The following BCL2L13 variants were observed in gnomAD, a reference collection of about 807,000 sequenced individuals.
BCL2L13 encodes BCL2 like 13, also known as bcl-2-like protein 13.
In BCL2L13, 13 loss-of-function variants were observed where a neutral mutation model predicts 25.8. The ratio of observed to expected loss-of-function variants is 0.50; its 90% CI spans 0.33 to 0.80. The LOEUF is 0.80. Ranked by LOEUF, BCL2L13 falls within the 30% of genes least tolerant of loss-of-function variation. The pLI, the probability that BCL2L13 is intolerant of heterozygous loss-of-function variation, is 0.02. For missense variants in BCL2L13, 504 were observed against 574.9 expected (o/e 0.88, Z 1.26); for synonymous variants, 244 against 230.3 (o/e 1.06, Z -0.54).
intron 2 of BCL2L13, among the ~76,000 whole-genome samples, chr22:17,662,666 T>G (rs1352055044): frequency 6.6e-6 from 1 of 151,096 alleles, no homozygotes; most frequent in Non-Finnish European, 1.5e-5. Context: ...AAAATAAAAA[T>G]AAATTAGCTG....
At chr22:17,686,143 AAC>A (rs1443860106) in intron 3 of BCL2L13, among the ~76,000 whole-genome samples, 3 of 152,038 alleles carry the variant, frequency 2.0e-5, no homozygotes, top group Admixed American at 6.5e-5. Context: ...GTAGAGAAAA[AAC>A]ACAGATAGAA....
chr22:17,700,635 G>GT (rs2060406066), intron 5 of BCL2L13, among the ~76,000 whole-genome samples: 2 of 152,126 alleles, frequency 1.3e-5, no homozygotes, highest in African/African-American at 4.8e-5. Flanking sequence ...AATATAAACA[G>GT]TTTTTTGTTT....
chr22:17,712,583 GAT>G (rs1328126026), intron 6 of BCL2L13, among the ~76,000 whole-genome samples: 1 of 152,192 alleles, frequency 6.6e-6, no homozygotes, highest in Non-Finnish European at 1.5e-5. Flanking sequence ...TTAATAAACA[GAT>G]AAGCCTTTGG....
chr22:17,689,164 G>A lies in BCL2L13; in HGVS notation c.386+22G>A, dbSNP rs749712450. 6 of 1,610,942 alleles carry A rather than the reference G, an allele frequency of 3.7e-6. No homozygotes were observed. In the South Asian group the frequency reaches 6.6e-5, roughly 18 times the overall value. On this transcript the variant is annotated intron_variant, in intron 4 of 6. Coordinates refer to ENST00000317582, the MANE Select transcript of BCL2L13 (RefSeq NM_015367.4). ...GCCAGTGAGTTACACTGCTGAGTGG[G>A]ATGTGCTTCTTTAAGTAGTCTCTGG...
At chr22:17,687,504 C>CTATTAT (rs202137570) in intron 3 of BCL2L13, among the ~76,000 whole-genome samples, 1 of 151,502 alleles carries the variant, frequency 6.6e-6, no homozygotes, top group Admixed American at 6.6e-5. Flanking sequence ...CAGCACCCAG[C>CTATTAT]TATTATTATT....
chr22:17,689,195 T>C lies in BCL2L13; in HGVS notation c.386+53T>C, dbSNP rs551456131. On this transcript the variant is annotated intron_variant, in intron 4 of 6. Transcript: ENST00000317582. The stretch of plus-strand genomic sequence containing the variant: ...CTTCTTTAAGTAGTCTCTGGATCTC[T>C]CATGCAGCACTGGATTGGTTAGGGC... The C allele has an allele frequency of 5.1e-6, 8 of 1,579,228 alleles. No homozygotes were observed. The African/African-American group carries it at 8.1e-5, about 16-fold the overall frequency.
rs1310267646 is a variant in BCL2L13, at chr22:17,656,969, C to T, written c.121+1137C>T. ...AAGGAGCTGGGACTATAGGCGCACG[C>T]TGCCACGCCCGGCTAGTTTTTTGTA... On this transcript the variant is annotated intron_variant, in intron 2 of 6. Transcript: ENST00000317582. Among the ~76,000 whole-genome samples, 3 of 152,248 alleles carry T rather than the reference C, an allele frequency of 2.0e-5. No individual in the cohort carries two copies. In the East Asian group the frequency reaches 5.8e-4, roughly 30 times the overall value.
intron 6 of BCL2L13, among the ~76,000 whole-genome samples, chr22:17,715,121 T>C (rs1708635710): frequency 1.5e-5 from 1 of 68,042 alleles, no homozygotes; most frequent in Admixed American, 2.1e-4. Context: ...CAGTGTTAAT[T>C]TTATATATAT....
intron 6 of BCL2L13, among the ~76,000 whole-genome samples, chr22:17,723,376 GTT>G (rs1344376428): frequency 2.0e-5 from 3 of 152,126 alleles, no homozygotes; most frequent in Non-Finnish European, 2.9e-5. Context: ...TTACTTTACA[GTT>G]TTGTGTTATC....
At chr22:17,703,334 A>G (rs1288140053) in intron 6 of BCL2L13, 2 of 152,120 alleles carry the variant, frequency 1.3e-5, no homozygotes, top group African/African-American at 4.8e-5. Context: ...AGTCATTTCC[A>G]ATTATTTTGT....
At chr22:17,726,281 G>A (rs953806347) in intron 6 of BCL2L13, among the ~76,000 whole-genome samples, 2 of 151,448 alleles carry the variant, frequency 1.3e-5, no homozygotes, top group African/African-American at 2.4e-5. Flanking sequence ...AACCTGGGAC[G>A]CGGAGGTTGC....
chr22:17,717,237 G>A (rs1177759745), intron 6 of BCL2L13, among the ~76,000 whole-genome samples: 1 of 152,102 alleles, frequency 6.6e-6, no homozygotes, highest in Non-Finnish European at 1.5e-5. Flanking sequence ...GGAGGCTGAG[G>A]TGGGTGGATC....
At chr22:17,638,418 A>C, upstream of BCL2L13, 1 of 359,442 alleles carries the variant, frequency 2.8e-6, no homozygotes, top group Non-Finnish European at 5.0e-6. Flanking sequence ...CCCTTGGCAA[A>C]CACTTGAAAC....
At chr22:17,635,305 A>G (rs1460019939), upstream of BCL2L13, among the ~76,000 whole-genome samples, 1 of 152,150 alleles carries the variant, frequency 6.6e-6, no homozygotes, top group African/African-American at 2.4e-5. Flanking sequence ...TGGGAGACTC[A>G]GGCGGGCGGA....
At chr22:17,704,115 C>CTT (rs1338900830) in intron 6 of BCL2L13, among the ~76,000 whole-genome samples, 3 of 151,982 alleles carry the variant, frequency 2.0e-5, no homozygotes, top group African/African-American at 7.2e-5. Flanking sequence ...TTGAAACAGT[C>CTT]TTGCTCTGTC....
At chr22:17,678,035 G>T (rs1435909959) in intron 2 of BCL2L13, among the ~76,000 whole-genome samples, 1 of 152,042 alleles carries the variant, frequency 6.6e-6, no homozygotes, top group Non-Finnish European at 1.5e-5. Context: ...AACAGGGTGA[G>T]ACCCTGTCTA....
chr22:17,712,965 A>G (rs1321397057), intron 6 of BCL2L13, among the ~76,000 whole-genome samples: 1 of 152,220 alleles, frequency 6.6e-6, no homozygotes, highest in Non-Finnish European at 1.5e-5. Flanking sequence ...CATCTTACCT[A>G]TGCCTGTTCA....
At chr22:17,663,096 C>T (rs1051059922) in intron 2 of BCL2L13, among the ~76,000 whole-genome samples, 2 of 152,074 alleles carry the variant, frequency 1.3e-5, no homozygotes, top group Non-Finnish European at 2.9e-5. Context: ...GTCTCAAACT[C>T]GTGGGCTCAA....
At chr22:17,656,335 C>CTTTTTTTTTTTTTTTTTTTTTT (rs890631679) in intron 2 of BCL2L13, among the ~76,000 whole-genome samples, 4 of 57,882 alleles carry the variant, frequency 6.9e-5, no homozygotes, top group Non-Finnish European at 1.1e-4. Flanking sequence ...TCATTTTATT[C>CTTTTTTTTTTTTTTTTTTTTTT]TTTTTTTTTT....
Sources: gnomAD v4.1 joint callset for allele counts (sites outside exome capture counted in the v4.1 genomes callset) on GRCh38, gnomAD v4.1.1 for gene constraint, MANE v1.5 for transcripts, NCBI Gene and HGNC (gene_info 2026-07-23, HGNC 2026-07-21) for gene names.